UBE2L3: variants seen among roughly 807,000 people sequenced by gnomAD.
UBE2L3 encodes ubiquitin-conjugating enzyme E2 L3.
Under a neutral mutation model 17.8 loss-of-function variants are expected in UBE2L3, and 1 was observed. That is an observed-to-expected ratio of 0.06 (90% CI 0.02 to 0.27). UBE2L3 has a LOEUF of 0.27. Ranked by LOEUF, UBE2L3 falls within the 10% of genes least tolerant of loss-of-function variation. The pLI, the probability that UBE2L3 is intolerant of heterozygous loss-of-function variation, is 1.00. For missense variants in UBE2L3, 40 were observed against 192.6 expected, an observed-to-expected ratio of 0.21 and a Z score of 4.69; for synonymous variants, 44 against 68.5, an observed-to-expected ratio of 0.64 and a Z score of 1.76.
At chr22:21,616,947 A>G (rs1165643332) in intron 3 of UBE2L3, among the ~76,000 whole-genome samples, 1 of 152,154 alleles carries the variant, frequency 6.6e-6, no homozygotes, top group East Asian at 1.9e-4. Flanking sequence ...ACGGTGGCTC[A>G]TGTCTGTAAT....
intron 3 of UBE2L3, among the ~76,000 whole-genome samples, chr22:21,611,246 G>T (rs1014223775): frequency 6.6e-6 from 1 of 152,212 alleles, no homozygotes; most frequent in Non-Finnish European, 1.5e-5. Flanking sequence ...GGCCTTTCCA[G>T]TGCTCAGCCC....
intron 2 of UBE2L3, among the ~76,000 whole-genome samples, chr22:21,607,344 T>C (rs556346173): frequency 6.8e-6 from 1 of 146,928 alleles, no homozygotes; most frequent in South Asian, 2.1e-4. Flanking sequence ...CCATCTCTAC[T>C]AAAAATACAA....
intron 3 of UBE2L3, among the ~76,000 whole-genome samples, chr22:21,612,615 G>A (rs112847267): frequency 0.089 from 11,337 of 127,268 alleles, 1,568 homozygotes; most frequent in African/African-American, 0.3. Flanking sequence ...GTAAGCCACC[G>A]CACCCAGCCG....
At chr22:21,566,428 AAAAAAAAACTT>A (rs1177138947), upstream of UBE2L3, among the ~76,000 whole-genome samples, 1 of 151,576 alleles carries the variant, frequency 6.6e-6, no homozygotes, top group Non-Finnish European at 1.5e-5. Context: ...TACAAAAAAT[AAAAAAAAACTT>A]AGGAGGGTGT....
chr22:21,606,950 A>G (rs570342946), intron 2 of UBE2L3, among the ~76,000 whole-genome samples: 1 of 152,218 alleles, frequency 6.6e-6, no homozygotes, highest in African/African-American at 2.4e-5. Context: ...GTCTTGCTCT[A>G]TGCTATTCCT....
intron 1 of UBE2L3, chr22:21,568,240 G>A (rs1473520907): frequency 2.0e-6 from 2 of 987,752 alleles, no homozygotes; most frequent in African/African-American, 3.5e-5. Flanking sequence ...GCCGCAGCTC[G>A]GGAGTCTGGG....
chr22:21,592,795 A>AG lies in UBE2L3; in HGVS notation c.28-64dup, dbSNP rs1928333245. 7.0e-6 allele frequency: 9 copies of AG among 1,278,310 alleles called. No individual in the cohort carries two copies. The Admixed American group carries it at 1.0e-4, about 15-fold the overall frequency. 79.2% of individuals were successfully genotyped at this position (1,278,310 alleles called of 1,614,324 possible). On this transcript the variant is annotated intron_variant, in intron 1 of 3. Transcript: ENST00000342192. ...GCACTTGGTTTAATTTGAGGGCATC[A>AG]GGAGGGATCTTAATATGTGGTGCTT...
At chr22:21,586,352 A>G (rs1013623810) in intron 1 of UBE2L3, among the ~76,000 whole-genome samples, 1 of 152,034 alleles carries the variant, frequency 6.6e-6, no homozygotes, top group African/African-American at 2.4e-5. Flanking sequence ...TGCAACCTCC[A>G]CTTCCCAGGT....
rs1488629097 is a variant in UBE2L3, at chr22:21,556,516, G to A, written c.201+6866G>A. 3.3e-5 allele frequency among the ~76,000 whole-genome samples: 5 copies of A among 152,214 alleles called. No homozygotes were observed. In the South Asian group the frequency reaches 8.3e-4, roughly 25 times the overall value. ...GTGATCTCGGCATACTGCAACGTTC[G>A]CCTCCTGGACTTAAGCAATCCTCTC... On this transcript the variant is annotated intron_variant, in intron 1 of 3. Transcript: ENST00000458578.
intron 1 of UBE2L3, among the ~76,000 whole-genome samples, chr22:21,579,189 A>G (rs1927492864): frequency 6.6e-6 from 1 of 151,824 alleles, no homozygotes; most frequent in Admixed American, 6.6e-5. Flanking sequence ...CGGGGGTTTC[A>G]CCATGTTGGC....
chr22:21,610,337 C>G (rs2148441234), intron 2 of UBE2L3, among the ~76,000 whole-genome samples: 1 of 152,274 alleles, frequency 6.6e-6, no homozygotes, highest in East Asian at 1.9e-4. Flanking sequence ...GACATAGCAG[C>G]TACATATTGC....
chr22:21,568,017 G>A (rs1298835866), intron 1 of UBE2L3: 4 of 1,317,836 alleles, frequency 3.0e-6, no homozygotes, highest in Non-Finnish European at 3.9e-6. Context: ...GGGCGTTCAC[G>A]CCACTCTCCG....
chr22:21,623,297 G>A lies in UBE2L3; in HGVS notation c.*1628G>A, dbSNP rs1410344081. The A allele has an allele frequency of 6.6e-6, 1 of 152,668 alleles. No homozygotes were observed. Among genetic ancestry groups the A allele is most frequent in the African/African-American group, 2.4e-5 (1 of 41,474 alleles). 9.5% of individuals were successfully genotyped at this position (152,668 alleles called of 1,614,324 possible). A position where few individuals can be genotyped will look rare whatever the true frequency, so the allele number is the denominator to read the frequency against. Reference sequence around the variant, plus strand: ...TTCAGGCGCATGGCCCCTGCGGTGTGTACACGAACTCGGCTTCTTTTGTCC... The same window carrying A: ...TTCAGGCGCATGGCCCCTGCGGTGTATACACGAACTCGGCTTCTTTTGTCC... On this transcript the variant is annotated 3_prime_UTR_variant, in exon 4 of 4. Coordinates refer to ENST00000342192, the MANE Select transcript of UBE2L3 (RefSeq NM_003347.4).
chr22:21,575,312 C>T (rs920765554), intron 1 of UBE2L3, among the ~76,000 whole-genome samples: 11 of 142,490 alleles, frequency 7.7e-5, no homozygotes, highest in East Asian at 4.2e-4. Context: ...CTTGGCTGGG[C>T]GTGGTGGCTC....
chr22:21,598,958 G>A (rs1299384478), intron 2 of UBE2L3, among the ~76,000 whole-genome samples: 1 of 151,848 alleles, frequency 6.6e-6, no homozygotes. Context: ...TTTTGCCTCA[G>A]CCTCCCTGGC....
intron 2 of UBE2L3, among the ~76,000 whole-genome samples, chr22:21,603,904 T>C (rs1412767597): frequency 6.8e-6 from 1 of 147,062 alleles, no homozygotes; most frequent in Non-Finnish European, 1.5e-5. Context: ...AAGGTGTTTT[T>C]TGATTTTTTT....
chr22:21,586,722 C>T (rs2148416292), intron 1 of UBE2L3, among the ~76,000 whole-genome samples: 1 of 152,072 alleles, frequency 6.6e-6, no homozygotes, highest in South Asian at 2.1e-4. Context: ...AGTCAACCAC[C>T]ATGCCCGGCT....
At chr22:21,607,175 C>T (rs983304679) in intron 2 of UBE2L3, among the ~76,000 whole-genome samples, 23 of 152,036 alleles carry the variant, frequency 1.5e-4, no homozygotes, top group African/African-American at 3.4e-4. Flanking sequence ...ACTTAGGCCA[C>T]GGCTTGAAGA....
chr22:21,575,328 C>T (rs1252007669), intron 1 of UBE2L3, among the ~76,000 whole-genome samples: 1 of 147,626 alleles, frequency 6.8e-6, no homozygotes, highest in Admixed American at 6.8e-5. Flanking sequence ...GGCTCATATC[C>T]GAATCCCAGC....
Sources: gnomAD v4.1 joint callset for allele counts (sites outside exome capture counted in the v4.1 genomes callset) on GRCh38, gnomAD v4.1.1 for gene constraint, MANE v1.5 for transcripts, NCBI Gene and HGNC (gene_info 2026-07-23, HGNC 2026-07-21) for gene names.